ACSM5: variants seen among roughly 807,000 people sequenced by gnomAD.
ACSM5 encodes acyl-CoA synthetase medium chain family member 5.
ACSM5 carries 56 observed loss-of-function variants against 71.6 expected under a neutral mutation model. That is an observed-to-expected ratio of 0.78 (90% CI 0.63 to 0.98). The LOEUF is 0.98. ACSM5 is among the 50% of genes least tolerant of loss of function. The pLI, the probability that ACSM5 is intolerant of heterozygous loss-of-function variation, is 0.00. For missense variants in ACSM5, 723 were observed against 726.0 expected, an observed-to-expected ratio of 1.00 and a Z score of 0.05; for synonymous variants, 285 against 281.5, an observed-to-expected ratio of 1.01 and a Z score of -0.12.
At chr16:20,436,813 G>A (rs1368300079) in intron 10 of ACSM5, among the ~76,000 whole-genome samples, 2 of 152,136 alleles carry the variant, frequency 1.3e-5, no homozygotes, top group South Asian at 2.1e-4. Context: ...AAGGATGGTG[G>A]TGGGTGACTG....
intron 2 of ACSM5, among the ~76,000 whole-genome samples, chr16:20,417,656 C>G (rs1280053385): frequency 6.6e-6 from 1 of 152,118 alleles, no homozygotes; most frequent in Non-Finnish European, 1.5e-5. Flanking sequence ...TGTGAACATA[C>G]TAAGAACCAG....
chr16:20,436,445 A>G (rs1049213911), intron 10 of ACSM5, among the ~76,000 whole-genome samples: 1 of 152,146 alleles, frequency 6.6e-6, no homozygotes, highest in African/African-American at 2.4e-5. Context: ...ATCTCAGCTC[A>G]CTGCAACCTC....
At chr16:20,417,066 T>C (rs1354563113) in intron 2 of ACSM5, among the ~76,000 whole-genome samples, 4 of 148,620 alleles carry the variant, frequency 2.7e-5, no homozygotes, top group Non-Finnish European at 4.4e-5. Flanking sequence ...TTGGAGATGA[T>C]GCAGAGAATT....
chr16:20,436,870 T>C (rs2141661919), intron 10 of ACSM5, among the ~76,000 whole-genome samples, 182 bp from the exon 11 acceptor site: 1 of 152,184 alleles, frequency 6.6e-6, no homozygotes, highest in Admixed American at 6.5e-5. Context: ...AAGAGGGAAA[T>C]CCCACAACTA....
At chr16:20,419,998 T>C (rs2141645963) in intron 4 of ACSM5, among the ~76,000 whole-genome samples, 1 of 152,286 alleles carries the variant, frequency 6.6e-6, no homozygotes, top group Middle Eastern at 3.4e-3. Flanking sequence ...CTTGGAAAAC[T>C]AAAGTGACTT....
chr16:20,421,425 G>C (rs150039918), intron 5 of ACSM5, 24 bp downstream of exon 5: 157 of 1,550,970 alleles, frequency 1.0e-4, no homozygotes, highest in Non-Finnish European at 1.2e-4. Context: ...TTGTCTAGAG[G>C]ATCCAAGAAC....
Position 20,437,129 on chromosome 16 carries a change from T to A in ACSM5, c.1386T>A (p.Asp462Glu), listed in dbSNP as rs147520476. 424 of 1,613,920 alleles carry A rather than the reference T, an allele frequency of 2.6e-4. No homozygotes were observed. The highest frequency in any genetic ancestry group is 4.2e-4 in the South Asian group (38 of 91,062). Residue 462 changes from aspartate (D) to glutamate (E), a missense_variant, in exon 11 of 14, where the codon GAT (aspartate) becomes GAA (glutamate). Physicochemically the swap from Asp to Glu is conservative, Grantham distance 45. Transcript: ENST00000331849. ...ITGDRARMDK[D>E]GYFWFMGRND... ...GGGACCGAGCTCGCATGGACAAGGA[T>A]GGCTACTTTTGGTTCATGGGAAGAA...
intron 10 of ACSM5, among the ~76,000 whole-genome samples, chr16:20,435,293 G>C (rs531235965): frequency 1.2e-4 from 19 of 152,096 alleles, no homozygotes; most frequent in Non-Finnish European, 2.8e-4. Context: ...TTGGCCTCCC[G>C]AAGTGCTGGG....
Position 20,431,220 on chromosome 16 carries a change from A to G in ACSM5, c.1207A>G (p.Ile403Val). 6.2e-7 allele frequency: 1 copy of G among 1,613,830 alleles called. No individual in the cohort carries two copies. The highest frequency in any genetic ancestry group is 8.5e-7 in the Non-Finnish European group (1 of 1,179,790). ...ACCTCTGTGATGATTTCCTTACCAGATTGTGGATGATGAGGGCAACGTCCT... is the reference window on the plus strand; with the variant it reads ...ACCTCTGTGATGATTTCCTTACCAGGTTGTGGATGATGAGGGCAACGTCCT... The part of the protein sequence containing the change: ...GKASPPYDVQ[I>V]VDDEGNVLPP... The change falls in exon 10 of 14, where the codon ATT becomes GTT. Residue 403 changes from isoleucine to valine, a missense_variant and splice_region_variant. Transcript: ENST00000331849.
intron 10 of ACSM5, among the ~76,000 whole-genome samples, chr16:20,436,362 T>C (rs1967200683): frequency 1.3e-5 from 2 of 151,336 alleles, no homozygotes; most frequent in African/African-American, 4.8e-5. Context: ...TCTCATCCTG[T>C]AGCCCAGGCT....
Position 20,431,297 on chromosome 16 carries a change from C to T in ACSM5, c.1284C>T (p.Pro428=), listed in dbSNP as rs1197583035. Residue 428 remains proline, a synonymous_variant, in exon 10 of 14, where the codon CCC becomes CCT. Transcript: ENST00000331849. ...CCGTCCGTATCAGACCCACTCGGCCCTTCTGTTTCTTCAATTGCTATTTGG... is the reference window on the plus strand; with the variant it reads ...CCGTCCGTATCAGACCCACTCGGCCTTTCTGTTTCTTCAATTGCTATTTGG... ...NVAVRIRPTR[P]FCFFNCYLDN... The T allele has an allele frequency of 6.2e-7, 1 of 1,614,168 alleles. No homozygotes were observed. Among genetic ancestry groups the T allele is most frequent in the South Asian group, 1.1e-5 (1 of 91,082 alleles).
intron 8 of ACSM5, among the ~76,000 whole-genome samples, chr16:20,430,238 A>T (rs71373187): frequency 0.089 from 13,068 of 147,384 alleles, 697 homozygotes; most frequent in East Asian, 0.19. Context: ...CACACACACT[A>T]CTTATAAATT....
In ACSM5 at chr16:20,421,299, G is replaced by C; in HGVS notation, c.665G>C (p.Arg222Pro). The C allele has an allele frequency of 6.2e-7, 1 of 1,607,058 alleles. No individual in the cohort carries two copies. Among genetic ancestry groups the C allele is most frequent in the Non-Finnish European group, 8.5e-7 (1 of 1,176,190 alleles). ...TEHNCMRTKS[R>P]DPLAIYFTSG... ...CACAACTGCATGAGGACAAAGAGTCGAGACCCGCTGGCCATCTACTTTACC... is the reference window on the plus strand; with the variant it reads ...CACAACTGCATGAGGACAAAGAGTCCAGACCCGCTGGCCATCTACTTTACC... The change falls in exon 5 of 14, where the codon CGA (arginine) becomes CCA (proline). Residue 222 changes from arginine to proline, a missense_variant. Arg to Pro is a moderately radical substitution (Grantham distance 103). Transcript: ENST00000331849.
At chr16:20,427,989 A>C in intron 7 of ACSM5, 122 bp downstream of exon 7, 1 of 778,670 alleles carries the variant, frequency 1.3e-6, no homozygotes, top group African/African-American at 1.7e-5. Flanking sequence ...CCCTCTATAT[A>C]TTTTTCTGCC....
chr16:20,432,811 A>G (rs1596622604), intron 10 of ACSM5, among the ~76,000 whole-genome samples: 1 of 136,548 alleles, frequency 7.3e-6, no homozygotes, highest in Non-Finnish European at 1.6e-5. Flanking sequence ...TCTTTCCGTC[A>G]CCTGTACCAA....
At chr16:20,433,907 G>A (rs1337806659) in intron 10 of ACSM5, among the ~76,000 whole-genome samples, 1 of 150,366 alleles carries the variant, frequency 6.7e-6, no homozygotes, top group African/African-American at 2.4e-5. Flanking sequence ...GAATTCCTGG[G>A]CTCAAGTGAT....
At chr16:20,436,561 G>C (rs1967204988) in intron 10 of ACSM5, among the ~76,000 whole-genome samples, 1 of 152,108 alleles carries the variant, frequency 6.6e-6, no homozygotes, top group Non-Finnish European at 1.5e-5. Context: ...AGTAGAGACA[G>C]GTTTTCACTA....
chr16:20,423,215 T>C (rs1361757860), intron 5 of ACSM5, among the ~76,000 whole-genome samples: 3 of 152,176 alleles, frequency 2.0e-5, no homozygotes, highest in Non-Finnish European at 2.9e-5. Flanking sequence ...CCAGGAGGAC[T>C]CAGCAGAGGA....
In ACSM5 at chr16:20,419,418, C is replaced by T. The variant is rs1257469766; in HGVS notation, c.606C>T (p.Asn202=). 37 of 1,614,058 alleles carry T rather than the reference C, an allele frequency of 2.3e-5. No individual in the cohort carries two copies. Among genetic ancestry groups the T allele is most frequent in the Non-Finnish European group, 3.0e-5 (35 of 1,180,020 alleles). ...ACAGCAGTCGGCCAGGCTGGTTGAA[C>T]TTCAGGGAACTCCTCCGGTGAATTG... ...VSDSSRPGWL[N]FRELLREAST... is the part of the protein sequence containing the mutation. The change falls in exon 4 of 14, where the codon AAC becomes AAT. Residue 202 remains asparagine, a synonymous_variant. Transcript: ENST00000331849.
Sources: allele counts gnomAD v4.1 joint callset (sites outside exome capture counted in the v4.1 genomes callset), GRCh38; gene constraint gnomAD v4.1.1; transcripts MANE v1.5; gene names NCBI Gene and HGNC (gene_info 2026-07-23, HGNC 2026-07-21).